Variants in GABRB1 observed in about 807,000 individuals in gnomAD.
GABRB1 encodes gamma-aminobutyric acid receptor subunit beta-1.
GABRB1 carries 17 observed loss-of-function variants against 51.6 expected under a neutral mutation model. The observed-to-expected ratio is 0.33, with a 90% confidence interval of 0.23 to 0.49. GABRB1 has a LOEUF of 0.49. Among genes scored for constraint, GABRB1 ranks in the 20% least tolerant of loss-of-function variants. The pLI, the probability that GABRB1 is intolerant of heterozygous loss-of-function variation, is 0.99. For missense variants in GABRB1, 410 were observed against 600.6 expected, an observed-to-expected ratio of 0.68 and a Z score of 3.32; for synonymous variants, 247 against 218.9, an observed-to-expected ratio of 1.13 and a Z score of -1.14.
At chr4:47,392,499 C>A (rs1371045199) in intron 5 of GABRB1, among the ~76,000 whole-genome samples, 5 of 152,086 alleles carry the variant, frequency 3.3e-5, no homozygotes, top group Non-Finnish European at 7.4e-5. Context: ...TGCACCACCA[C>A]GCCCAGCTAA....
intron 4 of GABRB1, among the ~76,000 whole-genome samples, chr4:47,265,309 A>G (rs1275943858): frequency 6.6e-6 from 1 of 152,070 alleles, no homozygotes; most frequent in Non-Finnish European, 1.5e-5. Context: ...AAAGTATTCC[A>G]TGATATATAT....
chr4:47,267,436 T>C (rs1722680410), intron 4 of GABRB1, among the ~76,000 whole-genome samples: 1 of 150,666 alleles, frequency 6.6e-6, no homozygotes, highest in African/African-American at 2.4e-5. Flanking sequence ...GATAAAAAAC[T>C]AAAAAATTTA....
intron 3 of GABRB1, among the ~76,000 whole-genome samples, chr4:47,121,642 A>G (rs1424761726): frequency 6.6e-6 from 1 of 152,188 alleles, no homozygotes; most frequent in Non-Finnish European, 1.5e-5. Context: ...CACTAAATTG[A>G]GATGTATCTA....
chr4:47,047,175 T>C (rs1480034937), intron 3 of GABRB1, among the ~76,000 whole-genome samples: 1 of 151,902 alleles, frequency 6.6e-6, no homozygotes, highest in East Asian at 1.9e-4. Flanking sequence ...AACAAAACAG[T>C]CTTCCAAAAA....
rs560032270 is a variant in GABRB1 at position 47,343,252 on chromosome 4, G to C, written c.544+23043G>C. On this transcript the variant is annotated intron_variant, in intron 5 of 8. Transcript: ENST00000295454. Reference sequence around the variant, plus strand: ...AGGAAATGGGACTTGAACTTGGACAGACAAGGAGAAGTGAGGAATTTTTAA... The same window carrying C: ...AGGAAATGGGACTTGAACTTGGACACACAAGGAGAAGTGAGGAATTTTTAA... 9.8e-4 allele frequency among the ~76,000 whole-genome samples: 149 copies of C among 152,202 alleles called. 2 individuals are homozygous for C. Among genetic ancestry groups the C allele is most frequent in the Middle Eastern group, 3.4e-3 (1 of 294 alleles).
At chr4:47,085,959 G>A (rs1435497375) in intron 3 of GABRB1, among the ~76,000 whole-genome samples, 1 of 152,190 alleles carries the variant, frequency 6.6e-6, no homozygotes, top group East Asian at 1.9e-4. Flanking sequence ...ACTTGCGAAG[G>A]TGAAGAAATA....
At chr4:47,350,218 T>TATATATAGAGAGAGAGAG (rs750199965) in intron 5 of GABRB1, among the ~76,000 whole-genome samples, 4 of 56,654 alleles carry the variant, frequency 7.1e-5, no homozygotes, top group African/African-American at 3.2e-4. Context: ...TATATATATA[T>TATATATAGAGAGAGAGAG]AGAGAGAGAG....
intron 3 of GABRB1, among the ~76,000 whole-genome samples, chr4:47,147,356 G>A (rs1395024484): frequency 6.6e-6 from 1 of 151,762 alleles, no homozygotes; most frequent in African/African-American, 2.4e-5. Flanking sequence ...GACTAATAGA[G>A]TGTTTCACCT....
At chr4:47,159,258 GA>G (rs1717833776) in intron 3 of GABRB1, among the ~76,000 whole-genome samples, 1 of 151,986 alleles carries the variant, frequency 6.6e-6, no homozygotes. Flanking sequence ...CTCCAGCCAG[GA>G]TGGCCAAGTG....
At chr4:47,405,082 G>A (rs982492805) in intron 7 of GABRB1, among the ~76,000 whole-genome samples, 2 of 152,186 alleles carry the variant, frequency 1.3e-5, no homozygotes, top group Admixed American at 1.3e-4. Context: ...AATGCAATTG[G>A]TGAATTTATA....
intron 3 of GABRB1, among the ~76,000 whole-genome samples, chr4:47,040,965 G>A (rs1417505143): frequency 6.6e-6 from 1 of 152,080 alleles, no homozygotes; most frequent in East Asian, 1.9e-4. Context: ...TATAGGTAGG[G>A]GAAATAGATG....
In GABRB1 at chr4:47,058,944, G is replaced by A. The variant is rs549522257; in HGVS notation, c.240+26460G>A. Among the ~76,000 whole-genome samples the A allele has an allele frequency of 2.6e-5, 4 of 152,254 alleles. No individual in the cohort carries two copies. The South Asian group carries it at 6.2e-4, about 24-fold the overall frequency. On this transcript the variant is annotated intron_variant, in intron 3 of 8. Coordinates refer to ENST00000295454, the MANE Select transcript of GABRB1 (RefSeq NM_000812.4). ...TTTCTAGTTAGTAAATAAGTAAAATGGTGGTTTATACTAATAATCAATGCT... is the reference window on the plus strand; with the variant it reads ...TTTCTAGTTAGTAAATAAGTAAAATAGTGGTTTATACTAATAATCAATGCT...
At chr4:47,015,615 A>G (rs1383102488) in intron 1 of GABRB1, among the ~76,000 whole-genome samples, 14 of 152,326 alleles carry the variant, frequency 9.2e-5, no homozygotes, top group Non-Finnish European at 2.1e-4. Flanking sequence ...CTGAGATGCA[A>G]AAATGACACC....
At chr4:47,007,888 A>ATATATATATATATATATATATATATATG in intron 1 of GABRB1, among the ~76,000 whole-genome samples, 1 of 24,182 alleles carries the variant, frequency 4.1e-5, no homozygotes, top group Non-Finnish European at 1.2e-4. Flanking sequence ...ATATATATAT[A>ATATATATATATATATATATATATATATG]TATATAAAAT....
chr4:47,000,231 A>G (rs1724137124), intron 1 of GABRB1, among the ~76,000 whole-genome samples: 1 of 152,240 alleles, frequency 6.6e-6, no homozygotes, highest in Admixed American at 6.5e-5. Flanking sequence ...ATGTAGCCAT[A>G]TGAACAAATT....
chr4:47,380,926 G>A (rs532101845), intron 5 of GABRB1, among the ~76,000 whole-genome samples: 4 of 152,146 alleles, frequency 2.6e-5, no homozygotes, highest in African/African-American at 4.8e-5. Context: ...TCTGATAATG[G>A]CCATATACTT....
chr4:47,371,108 C>T (rs905843433), intron 5 of GABRB1, among the ~76,000 whole-genome samples: 1 of 129,584 alleles, frequency 7.7e-6, no homozygotes, highest in African/African-American at 3.0e-5. Flanking sequence ...CCCTGACAGG[C>T]TCCAGTGTGT....
At chr4:47,087,517 C>A (rs1728126323) in intron 3 of GABRB1, among the ~76,000 whole-genome samples, 1 of 151,428 alleles carries the variant, frequency 6.6e-6, no homozygotes, top group Non-Finnish European at 1.5e-5. Context: ...AACTCTGAGG[C>A]GCTGCATCCC....
At chr4:47,374,404 A>G (rs148774858) in intron 5 of GABRB1, among the ~76,000 whole-genome samples, 280 of 152,344 alleles carry the variant, frequency 1.8e-3, no homozygotes, top group Non-Finnish European at 2.9e-3. Flanking sequence ...ACTAAAAAAT[A>G]ACAAATAAAT....
Sources: allele counts gnomAD v4.1 joint callset (sites outside exome capture counted in the v4.1 genomes callset), GRCh38; gene constraint gnomAD v4.1.1; transcripts MANE v1.5; gene names NCBI Gene and HGNC (gene_info 2026-07-23, HGNC 2026-07-21).